MKRN1: variants seen among roughly 807,000 people sequenced by gnomAD.
MKRN1 encodes the protein E3 ubiquitin-protein ligase makorin-1.
A neutral mutation model predicts 55.5 loss-of-function variants in MKRN1; 9 were observed. The observed-to-expected ratio is 0.16, with a 90% confidence interval of 0.10 to 0.28. The LOEUF (loss-of-function observed/expected upper bound fraction) is 0.28, where lower values mean the gene tolerates loss of function less well. Ranked by LOEUF, MKRN1 falls within the 10% of genes least tolerant of loss-of-function variation. The pLI is 1.00. For synonymous variants in MKRN1, 253 were observed against 235.9 expected (o/e 1.07, Z -0.66); for missense variants, 488 against 626.7 (o/e 0.78, Z 2.36).
chr7:140,470,285 C>T (rs1384923826), intron 2 of MKRN1, among the ~76,000 whole-genome samples: 1 of 151,278 alleles, frequency 6.6e-6, no homozygotes, highest in Non-Finnish European at 1.5e-5. Flanking sequence ...AGAGTAAGAC[C>T]TCTTAAAAAC....
intron 6 of MKRN1, 90 bp from the exon 7 acceptor site, chr7:140,455,323 T>C (rs1366424825): frequency 2.1e-5 from 31 of 1,507,812 alleles, no homozygotes; most frequent in Non-Finnish European, 2.6e-5. Flanking sequence ...CAGGTAGGGA[T>C]AGAACCAGTA....
At chr7:140,467,701 T>C (rs1415441876) in intron 2 of MKRN1, among the ~76,000 whole-genome samples, 1 of 152,008 alleles carries the variant, frequency 6.6e-6, no homozygotes, top group East Asian at 1.9e-4. Flanking sequence ...AAAAATAAGA[T>C]GGTTAATACA....
At chr7:140,455,723 A>G in intron 6 of MKRN1, 67 bp downstream of exon 6, 4 of 1,293,492 alleles carry the variant, frequency 3.1e-6, no homozygotes, top group Non-Finnish European at 4.5e-6. Context: ...ATGCAGCACC[A>G]TTCTTTTCAA....
rs1387672908 is a variant in MKRN1, at chr7:140,453,263, A to C, written c.*1254T>G. 2 of 152,644 alleles carry C rather than the reference A, an allele frequency of 1.3e-5. No homozygotes were observed. Among genetic ancestry groups the C allele is most frequent in the Admixed American group, 6.5e-5 (1 of 15,280 alleles). The allele number at this position is 152,644 out of a possible 1,614,324, so 9.5% of individuals were successfully genotyped here. On this transcript the variant is annotated 3_prime_UTR_variant, in exon 8 of 8. Coordinates refer to ENST00000255977, the MANE Select transcript of MKRN1 (RefSeq NM_013446.4). ...AACACAAAGGTACAATTTCCAATCAAGGAATTCTTCCAACAACTTAACTTT... is the reference window on the plus strand; with the variant it reads ...AACACAAAGGTACAATTTCCAATCACGGAATTCTTCCAACAACTTAACTTT...
intron 2 of MKRN1, among the ~76,000 whole-genome samples, chr7:140,464,202 G>T (rs1178761073): frequency 6.6e-6 from 1 of 152,014 alleles, no homozygotes; most frequent in Non-Finnish European, 1.5e-5. Flanking sequence ...TTATAGGCGT[G>T]AGCCACCGCG....
At chr7:140,470,312 C>G (rs1036617435) in intron 2 of MKRN1, among the ~76,000 whole-genome samples, 2 of 151,946 alleles carry the variant, frequency 1.3e-5, no homozygotes, top group Admixed American at 6.6e-5. Flanking sequence ...GGGCTAGGCA[C>G]CATGGCTCAC....
At chr7:140,474,029 G>GA (rs1468680614) in intron 1 of MKRN1, among the ~76,000 whole-genome samples, 1 of 46,470 alleles carries the variant, frequency 2.2e-5, no homozygotes, top group African/African-American at 2.5e-4. Flanking sequence ...AAGAAAGAAA[G>GA]AAAGAAAGAA....
chr7:140,458,728 T>C (rs1249711202), intron 4 of MKRN1, among the ~76,000 whole-genome samples: 1 of 152,236 alleles, frequency 6.6e-6, no homozygotes, highest in Non-Finnish European at 1.5e-5. Flanking sequence ...GACTTCTTTT[T>C]TTCTTTTGCC....
At chr7:140,459,981 T>G (rs975914983) in intron 2 of MKRN1, 45 bp from the exon 3 acceptor site, 1 of 1,529,266 alleles carries the variant, frequency 6.5e-7, no homozygotes, top group Admixed American at 1.7e-5. Flanking sequence ...TCGTGGTGGC[T>G]CAAGCCTGTA....
intron 2 of MKRN1, chr7:140,460,223 G>A (rs1236770030): frequency 1.1e-5 from 3 of 269,266 alleles, no homozygotes; most frequent in African/African-American, 2.3e-5. Context: ...CTCCAGCCTG[G>A]GCGACAGAGT....
At chr7:140,474,939 G>C (rs535453781) in intron 1 of MKRN1, among the ~76,000 whole-genome samples, 2 of 151,636 alleles carry the variant, frequency 1.3e-5, no homozygotes, top group African/African-American at 4.8e-5. Context: ...GGCTGGTCTC[G>C]AACTCCTGAC....
intron 6 of MKRN1, 29 bp downstream of exon 6, chr7:140,455,761 C>T (rs371628915): frequency 2.8e-5 from 43 of 1,544,612 alleles, no homozygotes; most frequent in East Asian, 1.3e-4. Flanking sequence ...TTGGGCTCTT[C>T]GCTTGAGAAA....
rs555067372 is a variant in MKRN1, at chr7:140,472,188, A to T, written c.186-177T>A. The stretch of plus-strand genomic sequence containing the variant: ...TAATCCCAGTACCTTTGGGAGGCTG[A>T]GGTGAGTGGCTCACCTGAGGTCAGG... On this transcript the variant is annotated intron_variant, in intron 1 of 7. Coordinates refer to ENST00000255977, the MANE Select transcript of MKRN1 (RefSeq NM_013446.4). 7.4e-5 allele frequency: 62 copies of T among 838,626 alleles called. No individual in the cohort carries two copies. In the East Asian group the frequency reaches 1.7e-3, roughly 23 times the overall value. The allele number at this position is 838,626 out of a possible 1,614,324, so 51.9% of individuals were successfully genotyped here.
At chr7:140,456,381 A>G (rs1794466054) in intron 5 of MKRN1, 1 of 1,305,978 alleles carries the variant, frequency 7.7e-7, no homozygotes, top group African/African-American at 1.5e-5. Flanking sequence ...ACTGAGCCTA[A>G]ACTGGCTAAT....
At chr7:140,462,237 C>A (rs1794642019) in intron 2 of MKRN1, among the ~76,000 whole-genome samples, 1 of 152,130 alleles carries the variant, frequency 6.6e-6, no homozygotes, top group Admixed American at 6.6e-5. Context: ...CTATGTTGTC[C>A]AGGCTGGTCT....
chr7:140,455,081 A>G lies in MKRN1; in HGVS notation c.1236+14T>C, dbSNP rs1794428375. Reference sequence around the variant, plus strand: ...TTGGAATTTCCCCTCCTTTAAAAAAACAGTGAGAGTTACCCGGTATCTGCT... The same window carrying G: ...TTGGAATTTCCCCTCCTTTAAAAAAGCAGTGAGAGTTACCCGGTATCTGCT... On this transcript the variant is annotated intron_variant, in intron 7 of 7. Coordinates refer to ENST00000255977, the MANE Select transcript of MKRN1 (RefSeq NM_013446.4). 1 of 1,611,758 alleles carries G rather than the reference A, an allele frequency of 6.2e-7. No individual in the cohort carries two copies. The highest frequency in any genetic ancestry group is 8.5e-7 in the Non-Finnish European group (1 of 1,179,548).
chr7:140,478,861 G>C, intron 1 of MKRN1: 1 of 246,768 alleles, frequency 4.1e-6, no homozygotes, highest in Non-Finnish European at 7.7e-6. Context: ...CTCGCAGCCA[G>C]CTCAGGCAGC....
chr7:140,461,848 T>G (rs923458730), intron 2 of MKRN1, among the ~76,000 whole-genome samples: 1 of 151,866 alleles, frequency 6.6e-6, no homozygotes. Flanking sequence ...CCAGGCATGG[T>G]GGCGCATGCT....
In MKRN1 at chr7:140,456,810, G is replaced by A. The variant is rs778733127; in HGVS notation, c.828C>T (p.Ser276=). 4.3e-6 allele frequency: 7 copies of A among 1,613,956 alleles called. No individual in the cohort carries two copies. Among genetic ancestry groups the A allele is most frequent in the East Asian group, 2.2e-5 (1 of 44,884 alleles). ...TGCAGATCCCACACACCATGTCCTT[G>A]CTGCGCTGCACGGCAAATGAGAGCT... The part of the protein sequence containing the change: ...DMELSFAVQR[S]KDMVCGICME... The change falls in exon 5 of 8, where the codon AGC becomes AGT. Residue 276 remains serine, a synonymous_variant. Coordinates refer to ENST00000255977, the MANE Select transcript of MKRN1 (RefSeq NM_013446.4).
Sources: allele counts gnomAD v4.1 joint callset (sites outside exome capture counted in the v4.1 genomes callset), GRCh38; gene constraint gnomAD v4.1.1; transcripts MANE v1.5; gene names NCBI Gene and HGNC (gene_info 2026-07-23, HGNC 2026-07-21).